ANKS1B: variants seen among roughly 807,000 people sequenced by gnomAD.
ANKS1B encodes the protein ankyrin repeat and sterile alpha motif domain-containing protein 1B.
Under a neutral mutation model 148.3 loss-of-function variants are expected in ANKS1B, and 36 were observed. That is an observed-to-expected ratio of 0.24 (90% CI 0.19 to 0.32). The LOEUF (loss-of-function observed/expected upper bound fraction) is 0.32. Among genes scored for constraint, ANKS1B ranks in the 10% least tolerant of loss-of-function variants. ANKS1B has a pLI of 1.00. For missense variants in ANKS1B, 1,157 were observed against 1,542.6 expected, an observed-to-expected ratio of 0.75 and a Z score of 4.19; for synonymous variants, 542 against 560.8, an observed-to-expected ratio of 0.97 and a Z score of 0.47.
chr12:98,966,398 A>C (rs1249153600), intron 17 of ANKS1B, among the ~76,000 whole-genome samples: 1 of 152,198 alleles, frequency 6.6e-6, no homozygotes, highest in Non-Finnish European at 1.5e-5. Context: ...ATCAGGAAAC[A>C]ACAGGTGCCG....
intron 10 of ANKS1B, among the ~76,000 whole-genome samples, chr12:99,503,093 C>T (rs747392814): frequency 2.0e-5 from 3 of 152,154 alleles, no homozygotes; most frequent in African/African-American, 4.8e-5. Flanking sequence ...TGGGCCATCA[C>T]GTCCAGCTAA....
chr12:99,006,131 T>C (rs1283699024), intron 17 of ANKS1B, among the ~76,000 whole-genome samples: 1 of 152,174 alleles, frequency 6.6e-6, no homozygotes, highest in East Asian at 1.9e-4. Flanking sequence ...CACTTTCAGA[T>C]AGGCTGCATG....
At chr12:99,518,419 T>C (rs1225171857) in intron 9 of ANKS1B, among the ~76,000 whole-genome samples, 3 of 152,192 alleles carry the variant, frequency 2.0e-5, no homozygotes, top group African/African-American at 7.2e-5. Context: ...GGTTTTGAAT[T>C]TCTTTATGGC....
intron 12 of ANKS1B, among the ~76,000 whole-genome samples, chr12:99,380,745 T>TTTCCTTTCCTCCTTCCTTCC (rs1202679937): frequency 1.4e-5 from 2 of 142,932 alleles, no homozygotes; most frequent in Non-Finnish European, 1.5e-5. Flanking sequence ...TGTTGATCAG[T>TTTCCTTTCCTCCTTCCTTCC]TTCCTTTCCT....
At chr12:98,772,102 A>C (rs750024521) in intron 25 of ANKS1B, among the ~76,000 whole-genome samples, 43 of 152,322 alleles carry the variant, frequency 2.8e-4, no homozygotes, top group Non-Finnish European at 5.1e-4. Flanking sequence ...GAAGAATGAA[A>C]ATATCGAAAA....
At chr12:98,785,148 T>C (rs2098778935) in intron 22 of ANKS1B, among the ~76,000 whole-genome samples, 1 of 152,140 alleles carries the variant, frequency 6.6e-6, no homozygotes, top group African/African-American at 2.4e-5. Context: ...TCATACATAA[T>C]CTTAGCAAAA....
intron 17 of ANKS1B, chr12:98,894,984 T>TGGC (rs1555478774): frequency 1.3e-5 from 10 of 780,130 alleles, no homozygotes; most frequent in South Asian, 5.6e-5. Flanking sequence ...GCGCCTGCCC[T>TGGC]GGCGGCAGCG....
intron 8 of ANKS1B, among the ~76,000 whole-genome samples, chr12:99,730,088 A>C (rs1163137487): frequency 6.6e-6 from 1 of 152,210 alleles, no homozygotes; most frequent in Non-Finnish European, 1.5e-5. Context: ...ACCACGTCCA[A>C]CTGTTAAGCT....
At chr12:99,761,760 T>C (rs2062140519) in intron 8 of ANKS1B, among the ~76,000 whole-genome samples, 1 of 152,002 alleles carries the variant, frequency 6.6e-6, no homozygotes, top group South Asian at 2.1e-4. Flanking sequence ...TCAAACTATC[T>C]GTCTTCACTA....
chr12:99,940,542 T>C (rs144314603), intron 1 of ANKS1B, among the ~76,000 whole-genome samples: 15 of 152,220 alleles, frequency 9.9e-5, no homozygotes, highest in African/African-American at 3.4e-4. Context: ...TAATACCTGA[T>C]GAATCAAACT....
intron 10 of ANKS1B, among the ~76,000 whole-genome samples, chr12:99,491,572 T>C (rs1313210487): frequency 6.6e-6 from 1 of 152,082 alleles, no homozygotes; most frequent in African/African-American, 2.4e-5. Flanking sequence ...CCAGGGTCTG[T>C]TGTTCCCTTC....
At chr12:98,893,812 C>A (rs1263237941) in intron 17 of ANKS1B, 1 of 152,256 alleles carries the variant, frequency 6.6e-6, no homozygotes, top group African/African-American at 2.4e-5. Context: ...AAACGCGAAA[C>A]CTTCCTGAGC....
chr12:99,632,768 T>TATATATATATATATATATA (rs1282777183), intron 9 of ANKS1B, among the ~76,000 whole-genome samples: 2 of 100,434 alleles, frequency 2.0e-5, no homozygotes, highest in Admixed American at 1.1e-4. Flanking sequence ...TATATATATA[T>TATATATATATATATATATA]TTTAATTATA....
At chr12:99,833,433 G>A (rs923284669) in intron 1 of ANKS1B, among the ~76,000 whole-genome samples, 3 of 152,222 alleles carry the variant, frequency 2.0e-5, no homozygotes, top group African/African-American at 7.2e-5. Context: ...GTGGTAGAGA[G>A]AGAGAGGGTG....
intron 17 of ANKS1B, chr12:98,976,723 T>C (rs905373365): frequency 7.9e-5 from 12 of 152,260 alleles, no homozygotes; most frequent in African/African-American, 2.6e-4. Context: ...AAAACACACA[T>C]GGCTCAGGGA....
chr12:99,403,949 T>A (rs1377992470), intron 11 of ANKS1B, among the ~76,000 whole-genome samples: 1 of 145,902 alleles, frequency 6.9e-6, no homozygotes, highest in Non-Finnish European at 1.5e-5. Flanking sequence ...ATAGACTGGA[T>A]AAAGAAAATG....
chr12:99,806,548 T>C lies in ANKS1B; in HGVS notation c.525A>G (p.Arg175=), dbSNP rs1335909408. ...LDLAALYGRL[R]VVKMIISAHP... is the part of the protein sequence containing the mutation. ...GTGCACTGATGATCATTTTTACCAC[T>C]CTAAGCCGTCCGTAGAGTGCCGCCA... Residue 175 remains arginine, a synonymous_variant, in exon 4 of 27, where the codon AGA becomes AGG. Transcript: ENST00000683438. 3.7e-6 allele frequency: 6 copies of C among 1,613,890 alleles called. No individual in the cohort carries two copies.
At chr12:98,796,747 GA>G (rs1052691734) in intron 22 of ANKS1B, among the ~76,000 whole-genome samples, 3 of 152,156 alleles carry the variant, frequency 2.0e-5, no homozygotes, top group African/African-American at 7.2e-5. Context: ...CAGCAAACCA[GA>G]AAAATGCCCC....
intron 9 of ANKS1B, among the ~76,000 whole-genome samples, chr12:99,564,884 C>T (rs1226010114): frequency 6.6e-6 from 1 of 152,060 alleles, no homozygotes; most frequent in Admixed American, 6.5e-5. Context: ...GAATAAATAT[C>T]ATATTATTAT....
Sources: allele counts gnomAD v4.1 joint callset (sites outside exome capture counted in the v4.1 genomes callset), GRCh38; gene constraint gnomAD v4.1.1; transcripts MANE v1.5; gene names NCBI Gene and HGNC (gene_info 2026-07-23, HGNC 2026-07-21).